Variants in CYP4Z1 observed in about 807,000 individuals in gnomAD.
The protein encoded by CYP4Z1 is cytochrome P450 4Z1.
A neutral mutation model predicts 54.2 loss-of-function variants in CYP4Z1; 41 were observed. The ratio of observed to expected loss-of-function variants is 0.76; its 90% CI spans 0.59 to 0.98. The LOEUF (loss-of-function observed/expected upper bound fraction) is 0.98. Among genes scored for constraint, CYP4Z1 ranks in the 50% least tolerant of loss-of-function variants. The pLI is 0.00. For missense variants in CYP4Z1, 513 were observed against 599.0 expected (o/e 0.86, Z 1.50); for synonymous variants, 163 against 206.2 (o/e 0.79, Z 1.79).
At chr1:47,099,524 A>C (rs1644705172) in intron 8 of CYP4Z1, among the ~76,000 whole-genome samples, 2 of 152,296 alleles carry the variant, frequency 1.3e-5, no homozygotes, top group South Asian at 4.1e-4. Flanking sequence ...ACTTCAGGCA[A>C]TAGTACAACT....
At chr1:47,097,882 C>T (rs1279258222) in intron 7 of CYP4Z1, among the ~76,000 whole-genome samples, 1 of 147,420 alleles carries the variant, frequency 6.8e-6, no homozygotes, top group African/African-American at 2.5e-5. Flanking sequence ...GTGGTGTGCT[C>T]CTGGCTCACT....
chr1:47,082,492 C>G, intron 4 of CYP4Z1, 31 bp downstream of exon 4: 1 of 1,588,396 alleles, frequency 6.3e-7, no homozygotes, highest in Non-Finnish European at 8.6e-7. Flanking sequence ...TCGTACCTGG[C>G]CTCTGAAGTG....
At chr1:47,070,259 G>A (rs566889563) in intron 2 of CYP4Z1, among the ~76,000 whole-genome samples, 4 of 110,456 alleles carry the variant, frequency 3.6e-5, no homozygotes, top group Admixed American at 9.3e-5. Flanking sequence ...TCCCATATGT[G>A]CTTTTCTTTT....
chr1:47,112,739 A>C (rs1412437444), intron 9 of CYP4Z1, among the ~76,000 whole-genome samples: 2 of 152,064 alleles, frequency 1.3e-5, no homozygotes, highest in Non-Finnish European at 2.9e-5. Flanking sequence ...CTCTACAAAA[A>C]GATAAAATAA....
At chr1:47,084,569 A>T in intron 4 of CYP4Z1, 51 bp from the exon 5 acceptor site, 1 of 1,512,788 alleles carries the variant, frequency 6.6e-7, no homozygotes, top group Non-Finnish European at 8.8e-7. Context: ...TAACTTAGAA[A>T]TTGGGAAAGA....
intron 9 of CYP4Z1, among the ~76,000 whole-genome samples, chr1:47,106,541 C>T (rs962851272): frequency 2.0e-5 from 3 of 152,062 alleles, no homozygotes; most frequent in African/African-American, 7.2e-5. Context: ...ACTTAAAGGA[C>T]TAGATTTATA....
intron 6 of CYP4Z1, among the ~76,000 whole-genome samples, chr1:47,085,606 T>C (rs1294100709): frequency 2.0e-5 from 3 of 152,204 alleles, no homozygotes; most frequent in Non-Finnish European, 4.4e-5. Flanking sequence ...CTTTGGTTAG[T>C]ATTTTGATAG....
Position 47,084,681 on chromosome 1 carries a change from T to G in CYP4Z1, c.554T>G (p.Leu185Arg). The G allele has an allele frequency of 6.2e-7, 1 of 1,609,842 alleles. No homozygotes were observed. Among genetic ancestry groups the G allele is most frequent in the Non-Finnish European group, 8.5e-7 (1 of 1,178,812 alleles). The change falls in exon 5 of 12, where the codon CTG becomes CGG. Residue 185 changes from leucine to arginine, a missense_variant. Coordinates refer to ENST00000334194, the MANE Select transcript of CYP4Z1 (RefSeq NM_178134.3). ...CTGGAGCTCTTTCAACATGTCTCCC[T>G]GATGACCCTGGACAGCATCATGAAG... Reference protein sequence around the residue: ...SRLELFQHVSLMTLDSIMKCA... With the variant: ...SRLELFQHVSRMTLDSIMKCA...
intron 6 of CYP4Z1, among the ~76,000 whole-genome samples, chr1:47,092,770 G>T (rs997751852): frequency 1.3e-5 from 2 of 151,334 alleles, no homozygotes; most frequent in Non-Finnish European, 2.9e-5. Context: ...TGCTGTGAGG[G>T]TCTGGTTTAG....
intron 2 of CYP4Z1, among the ~76,000 whole-genome samples, chr1:47,069,544 TA>T (rs1404249241): frequency 1.3e-5 from 2 of 151,562 alleles, no homozygotes; most frequent in African/African-American, 4.9e-5. Flanking sequence ...TTTCAAACTT[TA>T]CTCTGCTCCC....
chr1:47,055,835 G>C, the CYP4Z1 span, among the ~76,000 whole-genome samples: 3 of 151,832 alleles, frequency 2.0e-5, no homozygotes, highest in Non-Finnish European at 4.4e-5. Flanking sequence ...TCTTGCTAGC[G>C]GTCTATCAAT....
At chr1:47,115,478 A>AT in intron 9 of CYP4Z1, 51 bp from the exon 10 acceptor site, 1 of 1,519,424 alleles carries the variant, frequency 6.6e-7, no homozygotes, top group African/African-American at 1.4e-5. Context: ...AAAAAAAAAA[A>AT]GACAGAATCT....
chr1:47,117,451 G>A (rs1644838392), intron 11 of CYP4Z1, among the ~76,000 whole-genome samples: 1 of 152,048 alleles, frequency 6.6e-6, no homozygotes. Context: ...ATTGGAATTT[G>A]TTTAAAACAT....
intron 9 of CYP4Z1, among the ~76,000 whole-genome samples, chr1:47,106,527 T>C (rs1644758965): frequency 6.6e-6 from 1 of 152,062 alleles, no homozygotes; most frequent in African/African-American, 2.4e-5. Context: ...GCTTTAATGC[T>C]GAAACTTAAA....
rs1644460318 is a variant in CYP4Z1 at position 47,067,670 on chromosome 1, A to G, written c.177+3A>G. The G allele has an allele frequency of 3.8e-6, 6 of 1,594,500 alleles. 1 individual carries two copies. The East Asian group carries it at 1.1e-4, about 30-fold the overall frequency. On this transcript the variant is annotated splice_donor_region_variant and intron_variant, in intron 1 of 11. Transcript: ENST00000334194. Reference sequence around the variant, plus strand: ...ACTGGTTCTATGGCCACAAGGAGGTAAGAGGAGAAAATTAGTTGGGGAGGT... The same window carrying G: ...ACTGGTTCTATGGCCACAAGGAGGTGAGAGGAGAAAATTAGTTGGGGAGGT...
intron 4 of CYP4Z1, among the ~76,000 whole-genome samples, chr1:47,083,230 A>G (rs1319484367): frequency 6.9e-4 from 105 of 151,812 alleles, no homozygotes; most frequent in Admixed American, 3.3e-4. Context: ...GGGTTCCCCT[A>G]AACACGTCAG....
At chr1:47,108,400 C>A (rs1490909786) in intron 9 of CYP4Z1, among the ~76,000 whole-genome samples, 1 of 152,206 alleles carries the variant, frequency 6.6e-6, no homozygotes, top group Non-Finnish European at 1.5e-5. Flanking sequence ...CTCTGCCCTG[C>A]TAATGGGCCC....
chr1:47,082,253 A>G (rs2148528915), intron 3 of CYP4Z1, 81 bp from the exon 4 acceptor site: 3 of 1,498,608 alleles, frequency 2.0e-6, no homozygotes, highest in East Asian at 4.6e-5. Flanking sequence ...TGTCATAGAT[A>G]GGGAATTGCT....
intron 1 of CYP4Z1, 24 bp downstream of exon 1, chr1:47,067,691 G>A: frequency 5.7e-6 from 9 of 1,566,574 alleles, no homozygotes; most frequent in Non-Finnish European, 7.8e-6. Context: ...ATTAGTTGGG[G>A]AGGTTAAGGG....
Sources: gnomAD v4.1 joint callset for allele counts (sites outside exome capture counted in the v4.1 genomes callset) on GRCh38, gnomAD v4.1.1 for gene constraint, MANE v1.5 for transcripts, NCBI Gene and HGNC (gene_info 2026-07-23, HGNC 2026-07-21) for gene names.